FAM210A: variants seen among roughly 807,000 people sequenced by gnomAD.
The protein encoded by FAM210A is mitochondrial inner membrane scaffold 1.
Under a neutral mutation model 25.3 loss-of-function variants are expected in FAM210A, and 13 were observed. The observed-to-expected ratio is 0.51, with a 90% CI of 0.33 to 0.82. The LOEUF (loss-of-function observed/expected upper bound fraction) is 0.82, where lower values mean the gene tolerates loss of function less well. Ranked by LOEUF, FAM210A falls within the 40% of genes least tolerant of loss-of-function variation. FAM210A has a pLI of 0.02. For missense variants in FAM210A, 319 were observed against 323.2 expected (o/e 0.99, Z 0.10); for synonymous variants, 125 against 118.7 (o/e 1.05, Z -0.35).
chr18:13,671,305 C>T (rs1214209498), intron 3 of FAM210A, among the ~76,000 whole-genome samples: 2 of 151,992 alleles, frequency 1.3e-5, no homozygotes, highest in Admixed American at 6.6e-5. Flanking sequence ...AAACAAAAAA[C>T]AGTAAAATAA....
At chr18:13,701,139 G>A (rs1281512071) in intron 1 of FAM210A, among the ~76,000 whole-genome samples, 1 of 152,178 alleles carries the variant, frequency 6.6e-6, no homozygotes, top group African/African-American at 2.4e-5. Flanking sequence ...ATGATCTCCA[G>A]GAGCTCCGAA....
intron 1 of FAM210A, among the ~76,000 whole-genome samples, chr18:13,712,166 G>T (rs1388247766): frequency 3.3e-5 from 5 of 152,092 alleles, no homozygotes; most frequent in African/African-American, 1.2e-4. Flanking sequence ...AAATCAACAG[G>T]TTCAATATGT....
At chr18:13,693,111 T>C (rs1013416215) in intron 1 of FAM210A, among the ~76,000 whole-genome samples, 3 of 152,210 alleles carry the variant, frequency 2.0e-5, no homozygotes, top group African/African-American at 7.2e-5. Context: ...CGGAGAATAC[T>C]ATAAACACCT....
rs1333771292 is a variant in FAM210A, at chr18:13,671,875, T to C, written c.572A>G (p.Tyr191Cys). The C allele has an allele frequency of 6.2e-7, 1 of 1,611,960 alleles. No homozygotes were observed. The highest frequency in any genetic ancestry group is 8.5e-7 in the Non-Finnish European group (1 of 1,178,234). ...TACAGTACCCACCTTAAACAAGGCATATGCTGTGAGGGCATTTCCACTCTG... is the reference window on the plus strand; with the variant it reads ...TACAGTACCCACCTTAAACAAGGCACATGCTGTGAGGGCATTTCCACTCTG... ...NSQSGNALTA[Y>C]ALFKIATPAR... The change falls in exon 3 of 4, where the codon TAT becomes TGT. Residue 191 changes from tyrosine (Y) to cysteine (C), a missense_variant. By Grantham distance (194) the Tyr-to-Cys change is radical. Coordinates refer to ENST00000651643, the MANE Select transcript of FAM210A (RefSeq NM_152352.4).
intron 3 of FAM210A, among the ~76,000 whole-genome samples, chr18:13,670,489 G>A (rs2043432742): frequency 6.6e-6 from 1 of 152,170 alleles, no homozygotes; most frequent in South Asian, 2.1e-4. Context: ...TTTGAGTAAT[G>A]CTGTAAAACT....
intron 2 of FAM210A, among the ~76,000 whole-genome samples, chr18:13,675,051 A>G: frequency 1.3e-5 from 1 of 74,140 alleles, no homozygotes; most frequent in Non-Finnish European, 2.6e-5. Context: ...CTGTTTCCTG[A>G]TTATTAACAT....
chr18:13,725,355 G>A (rs984980330), intron 1 of FAM210A, among the ~76,000 whole-genome samples: 1 of 152,124 alleles, frequency 6.6e-6, no homozygotes, highest in Non-Finnish European at 1.5e-5. Context: ...GTGAAAAATA[G>A]GCCTCATTCT....
chr18:13,674,099 T>C (rs1217654129), intron 2 of FAM210A, among the ~76,000 whole-genome samples: 14 of 143,292 alleles, frequency 9.8e-5, no homozygotes, highest in Admixed American at 8.3e-4. Context: ...GGCTTCTTTA[T>C]TTCCAGTTTC....
chr18:13,689,349 A>G (rs1048457641), intron 1 of FAM210A, among the ~76,000 whole-genome samples: 3 of 152,134 alleles, frequency 2.0e-5, no homozygotes, highest in Non-Finnish European at 2.9e-5. Flanking sequence ...TATCACAATC[A>G]ATGTAACCCA....
chr18:13,682,489 AC>A (rs2043563934), intron 1 of FAM210A, among the ~76,000 whole-genome samples: 1 of 152,000 alleles, frequency 6.6e-6, no homozygotes, highest in Non-Finnish European at 1.5e-5. Context: ...AATCACTTAA[AC>A]CCGGGAAGCG....
At chr18:13,714,070 G>A (rs1000196376) in intron 1 of FAM210A, among the ~76,000 whole-genome samples, 1 of 152,168 alleles carries the variant, frequency 6.6e-6, no homozygotes, top group African/African-American at 2.4e-5. Context: ...TAACAGTGGA[G>A]CTTTTCACTG....
At chr18:13,724,696 T>C (rs1035254181) in intron 1 of FAM210A, among the ~76,000 whole-genome samples, 1 of 152,204 alleles carries the variant, frequency 6.6e-6, no homozygotes, top group Non-Finnish European at 1.5e-5. Context: ...AACTGAAAAA[T>C]GTAATCTCTA....
chr18:13,692,974 A>C (rs1233598082), intron 1 of FAM210A, among the ~76,000 whole-genome samples: 2 of 152,224 alleles, frequency 1.3e-5, no homozygotes, highest in Admixed American at 6.5e-5. Context: ...TTTTTTGGAA[A>C]GATCAGCAAA....
At chr18:13,672,955 T>C (rs2149052211) in intron 2 of FAM210A, among the ~76,000 whole-genome samples, 1 of 152,320 alleles carries the variant, frequency 6.6e-6, no homozygotes, top group African/African-American at 2.4e-5. Flanking sequence ...AGCCGCAACT[T>C]CTCCGTTTCC....
In FAM210A at chr18:13,665,380, T is replaced by C. The variant is rs1372116776; in HGVS notation, c.*1100A>G. 9.4e-5 allele frequency: 1 copy of C among 10,650 alleles called. No individual in the cohort carries two copies. Among genetic ancestry groups the C allele is most frequent in the South Asian group, 3.0e-3 (1 of 336 alleles). The allele number at this position is 10,650 out of a possible 1,614,324, so 0.7% of individuals were successfully genotyped here. On this transcript the variant is annotated 3_prime_UTR_variant, in exon 4 of 4. Transcript: ENST00000651643. ...GGGAGAGAGAGAGGGAGGCTCCGTC[T>C]CAAAAAAAAAAAAAAAAAAAAAAAA...
chr18:13,696,466 T>C lies in FAM210A; in HGVS notation c.-28-14361A>G, dbSNP rs117695724. On this transcript the variant is annotated intron_variant, in intron 1 of 3. Coordinates refer to ENST00000651643, the MANE Select transcript of FAM210A (RefSeq NM_152352.4). ...AGCAGAAAATATTGTAAAACATTTA[T>C]ATGATAAAGGACTTGTATCCAATAC... 9.7e-4 allele frequency among the ~76,000 whole-genome samples: 148 copies of C among 152,360 alleles called. 1 individual carries two copies. In the East Asian group the frequency reaches 0.024, roughly 24 times the overall value.
At chr18:13,691,589 G>T (rs1223736468) in intron 1 of FAM210A, among the ~76,000 whole-genome samples, 1 of 151,992 alleles carries the variant, frequency 6.6e-6, no homozygotes, top group Non-Finnish European at 1.5e-5. Flanking sequence ...AGAAGAGAGT[G>T]GGGGTCAATA....
intron 1 of FAM210A, among the ~76,000 whole-genome samples, chr18:13,712,022 T>C (rs942055480): frequency 2.0e-5 from 3 of 152,004 alleles, no homozygotes; most frequent in African/African-American, 7.2e-5. Flanking sequence ...AGAGAAGCTG[T>C]GTAAGAATAA....
intron 1 of FAM210A, among the ~76,000 whole-genome samples, chr18:13,685,249 C>A (rs1168587337): frequency 6.6e-6 from 1 of 151,472 alleles, no homozygotes; most frequent in African/African-American, 2.4e-5. Flanking sequence ...TATCTTACCC[C>A]AAAACACGTT....
Sources: allele counts gnomAD v4.1 joint callset (sites outside exome capture counted in the v4.1 genomes callset), GRCh38; gene constraint gnomAD v4.1.1; transcripts MANE v1.5; gene names NCBI Gene and HGNC (gene_info 2026-07-23, HGNC 2026-07-21).